CACNA1E: variants seen among roughly 807,000 people sequenced by gnomAD.
CACNA1E encodes the protein calcium voltage-gated channel subunit alpha1 E, also known as voltage-dependent R-type calcium channel subunit alpha-1E.
A neutral mutation model predicts 259.2 loss-of-function variants in CACNA1E; 40 were observed. The observed-to-expected ratio is 0.15, with a 90% CI of 0.12 to 0.20. The LOEUF (loss-of-function observed/expected upper bound fraction) is 0.20. Among genes scored for constraint, CACNA1E ranks in the 10% least tolerant of loss-of-function variants. CACNA1E has a pLI of 1.00. For missense variants in CACNA1E, 1,874 were observed against 3,040.1 expected (o/e 0.62, Z 9.02); for synonymous variants, 1,104 against 1,138.5 (o/e 0.97, Z 0.61).
Position 181,664,778 on chromosome 1 carries a change from G to T in CACNA1E, c.1055+13337G>T, listed in dbSNP as rs115519900. On this transcript the variant is annotated intron_variant, in intron 7 of 47. Coordinates refer to ENST00000367573, the MANE Select transcript of CACNA1E (RefSeq NM_001205293.3). ...GGGGTGGAGAGGTGAAGTCATAGCT[G>T]GGAGAAGCCAAGAATCCTATCCAGA... Among the ~76,000 whole-genome samples the T allele has an allele frequency of 1.5e-3, 231 of 152,136 alleles. 2 individuals carry two copies. The highest frequency in any genetic ancestry group is 5.4e-3 in the African/African-American group (226 of 41,498).
intron 6 of CACNA1E, among the ~76,000 whole-genome samples, chr1:181,611,922 CTT>C (rs1420795796): frequency 6.6e-6 from 1 of 152,162 alleles, no homozygotes; most frequent in Non-Finnish European, 1.5e-5. Context: ...TGAGAATAAA[CTT>C]TTCCCTTGAT....
At chr1:181,476,234 T>G (rs1662843114) in intron 2 of CACNA1E, among the ~76,000 whole-genome samples, 1 of 152,176 alleles carries the variant, frequency 6.6e-6, no homozygotes, top group Admixed American at 6.5e-5. Context: ...CAGGTATATA[T>G]TTCAAAACTG....
At chr1:181,771,772 T>C in intron 36 of CACNA1E, 1 of 476,490 alleles carries the variant, frequency 2.1e-6, no homozygotes, top group South Asian at 3.9e-5. Flanking sequence ...AAATTCCACT[T>C]AAGGGCTGAA....
intron 16 of CACNA1E, among the ~76,000 whole-genome samples, chr1:181,722,762 G>T (rs181798657): frequency 6.8e-4 from 103 of 152,302 alleles, no homozygotes; most frequent in African/African-American, 2.4e-3. Context: ...AGAACCATGG[G>T]ACGCAGGTGT....
chr1:181,752,582 C>T (rs570608744), intron 27 of CACNA1E, among the ~76,000 whole-genome samples: 8 of 152,174 alleles, frequency 5.3e-5, no homozygotes, highest in Non-Finnish European at 7.3e-5. Flanking sequence ...ATGGAAGCAA[C>T]GGGATCCCTC....
At chr1:181,657,306 A>T (rs576529870) in intron 7 of CACNA1E, among the ~76,000 whole-genome samples, 33 of 152,282 alleles carry the variant, frequency 2.2e-4, no homozygotes, top group African/African-American at 7.9e-4. Flanking sequence ...GATTTCAGTC[A>T]AAGACTGAAA....
At chr1:181,513,748 A>C (rs1258913627) in intron 3 of CACNA1E, among the ~76,000 whole-genome samples, 1 of 152,172 alleles carries the variant, frequency 6.6e-6, no homozygotes, top group Non-Finnish European at 1.5e-5. Context: ...TTCTTTTGTC[A>C]GCGAAGCCAA....
upstream of CACNA1E, chr1:181,483,496 T>G: frequency 3.1e-5 from 10 of 318,778 alleles, no homozygotes; most frequent in East Asian, 1.0e-4. Context: ...TTTTTTTTCT[T>G]TTTTCTTTTT....
At chr1:181,424,086 C>T (rs1246499488) in intron 2 of CACNA1E, among the ~76,000 whole-genome samples, 1 of 152,130 alleles carries the variant, frequency 6.6e-6, no homozygotes, top group East Asian at 1.9e-4. Context: ...AACAGGGTTG[C>T]AGAAACCAAA....
At chr1:181,739,352 T>G in intron 25 of CACNA1E, 99 bp downstream of exon 25, 1 of 818,208 alleles carries the variant, frequency 1.2e-6, no homozygotes, top group Non-Finnish European at 2.1e-6. Flanking sequence ...TGCAGGGTGA[T>G]GCCAAAGAAT....
intron 3 of CACNA1E, among the ~76,000 whole-genome samples, chr1:181,530,848 A>C (rs1667726786): frequency 6.6e-6 from 1 of 152,150 alleles, no homozygotes; most frequent in East Asian, 1.9e-4. Context: ...TGGGCTGGAG[A>C]GGTAAAATGG....
At chr1:181,494,460 A>G (rs1175820553) in intron 1 of CACNA1E, among the ~76,000 whole-genome samples, 1 of 152,186 alleles carries the variant, frequency 6.6e-6, no homozygotes, top group South Asian at 2.1e-4. Context: ...TTTTGAATCT[A>G]GATTCAGGAC....
chr1:181,689,013 A>G lies in CACNA1E; in HGVS notation c.1056-21941A>G, dbSNP rs139642829. Reference sequence around the variant, plus strand: ...TTTTTTTAACTTTAAGTTCTGAGATACATGTGCAGAATGTGTAGGTTTGTT... The same window carrying G: ...TTTTTTTAACTTTAAGTTCTGAGATGCATGTGCAGAATGTGTAGGTTTGTT... On this transcript the variant is annotated intron_variant, in intron 7 of 47. Coordinates refer to ENST00000367573, the MANE Select transcript of CACNA1E (RefSeq NM_001205293.3). Among the ~76,000 whole-genome samples the G allele has an allele frequency of 5.0e-3, 766 of 152,302 alleles. 9 individuals are homozygous for G. The highest frequency in any genetic ancestry group is 0.017 in the African/African-American group (716 of 41,554).
chr1:181,363,668 C>T (rs1654057982), intron 1 of CACNA1E, among the ~76,000 whole-genome samples: 1 of 152,034 alleles, frequency 6.6e-6, no homozygotes, highest in East Asian at 1.9e-4. Context: ...GGACCCTGTC[C>T]ATCAGTCATT....
At chr1:181,421,123 C>T (rs957867619) in intron 2 of CACNA1E, among the ~76,000 whole-genome samples, 6 of 152,158 alleles carry the variant, frequency 3.9e-5, no homozygotes, top group Admixed American at 6.6e-5. Flanking sequence ...CCTCTAATTC[C>T]GAAGCCCATG....
intron 6 of CACNA1E, among the ~76,000 whole-genome samples, chr1:181,602,669 C>A (rs1653855508): frequency 6.6e-6 from 1 of 152,258 alleles, no homozygotes; most frequent in East Asian, 1.9e-4. Context: ...GACAAGTGGG[C>A]TGCATTTGTG....
intron 6 of CACNA1E, among the ~76,000 whole-genome samples, chr1:181,617,562 C>T (rs1655339045): frequency 1.3e-5 from 2 of 152,178 alleles, no homozygotes; most frequent in South Asian, 4.1e-4. Context: ...TCATGCTTAT[C>T]TGTTTCATGC....
At position 181,804,596 on chromosome 1, in the gene CACNA1E, C is replaced by G. The variant is rs1662500827; in HGVS notation, c.*5762C>G. 1 of 152,140 alleles carries G rather than the reference C, an allele frequency of 6.6e-6. No individual in the cohort carries two copies. The highest frequency in any genetic ancestry group is 1.5e-5 in the Non-Finnish European group (1 of 68,014). The allele number at this position is 152,140 out of a possible 1,614,324, so 9.4% of individuals were successfully genotyped here. A position where few individuals can be genotyped will look rare whatever the true frequency, so the allele number is the denominator to read the frequency against. On this transcript the variant is annotated 3_prime_UTR_variant, in exon 48 of 48. Coordinates refer to ENST00000367573, the MANE Select transcript of CACNA1E (RefSeq NM_001205293.3). Reference sequence around the variant, plus strand: ...AAGTCAATAGTTTTTTATATTCCAGCTTTCTGTATTCAAACTTGTGCCTTC... The same window carrying G: ...AAGTCAATAGTTTTTTATATTCCAGGTTTCTGTATTCAAACTTGTGCCTTC...
At chr1:181,544,124 C>G (rs546733699) in intron 3 of CACNA1E, among the ~76,000 whole-genome samples, 1 of 152,072 alleles carries the variant, frequency 6.6e-6, no homozygotes, top group Non-Finnish European at 1.5e-5. Flanking sequence ...GAATACTACT[C>G]GACAATGAAA....
Sources: gnomAD v4.1 joint callset for allele counts (sites outside exome capture counted in the v4.1 genomes callset) on GRCh38, gnomAD v4.1.1 for gene constraint, MANE v1.5 for transcripts, NCBI Gene and HGNC (gene_info 2026-07-23, HGNC 2026-07-21) for gene names.